Variants in A2M observed in about 807,000 individuals in gnomAD.
A2M encodes C3 and PZP-like alpha-2-macroglobulin domain-containing protein 5.
A neutral mutation model predicts 183.9 loss-of-function variants in A2M; 128 were observed. The observed-to-expected ratio is 0.70, with a 90% CI of 0.60 to 0.81. The LOEUF is 0.81. Ranked by LOEUF, A2M falls within the 30% of genes least tolerant of loss-of-function variation. A2M has a pLI of 0.00. For missense variants in A2M, 1,495 were observed against 1,787.6 expected (o/e 0.84, Z 2.95); for synonymous variants, 592 against 670.8 (o/e 0.88, Z 1.81).
At chr12:9,077,575 T>C in intron 26 of A2M, 126 bp downstream of exon 26, 2 of 1,499,724 alleles carry the variant, frequency 1.3e-6, no homozygotes, top group Non-Finnish European at 1.8e-6. Flanking sequence ...CCCCTCTTTT[T>C]TGGTGCCATC....
intron 22 of A2M, among the ~76,000 whole-genome samples, chr12:9,088,760 G>A (rs1949121840): frequency 6.6e-6 from 1 of 152,148 alleles, no homozygotes; most frequent in South Asian, 2.1e-4. Flanking sequence ...GACAATAATG[G>A]TAAAGGCCAT....
rs766968015 is a variant in A2M, at chr12:9,083,009, G to A, written c.2771-2832C>T. Reference sequence around the variant, plus strand: ...GAATCGCCACATTGACTTCCACAGTGGTTGAACTAGTTTATAGTCCCACCA... The same window carrying A: ...GAATCGCCACATTGACTTCCACAGTAGTTGAACTAGTTTATAGTCCCACCA... On this transcript the variant is annotated intron_variant, in intron 22 of 35. Transcript: ENST00000318602. Among the ~76,000 whole-genome samples the A allele has an allele frequency of 4.6e-5, 7 of 152,188 alleles. No homozygotes were observed. The East Asian group carries it at 1.2e-3, about 25-fold the overall frequency.
chr12:9,101,746 T>A, intron 11 of A2M, 72 bp from the exon 12 acceptor site: 1 of 1,242,870 alleles, frequency 8.0e-7, no homozygotes, highest in Non-Finnish European at 1.1e-6. Flanking sequence ...CAAAACTACG[T>A]AAGTTTACTG....
Position 9,114,684 on chromosome 12 carries a change from C to T in A2M, c.86+1080G>A, listed in dbSNP as rs963688250. Among the ~76,000 whole-genome samples the T allele has an allele frequency of 1.3e-4, 20 of 151,468 alleles. No individual in the cohort carries two copies. The East Asian group carries it at 1.5e-3, about 12-fold the overall frequency. On this transcript the variant is annotated intron_variant, in intron 1 of 35. Coordinates refer to ENST00000318602, the MANE Select transcript of A2M (RefSeq NM_000014.6). ...TTATTGTCAAGCATCTATACATATACGTATGTATACTTATGTTCACATATA... is the reference window on the plus strand; with the variant it reads ...TTATTGTCAAGCATCTATACATATATGTATGTATACTTATGTTCACATATA...
Position 9,070,503 on chromosome 12 carries a change from C to T in A2M, c.4179G>A (p.Lys1393=). ...ATAAACCTACCATTTTCACTGTTGGCTTCAGGGGAATGAAGCCAGAGACCA... is the reference window on the plus strand; with the variant it reads ...ATAAACCTACCATTTTCACTGTTGGTTTCAGGGGAATGAAGCCAGAGACCA... ...VKMVSGFIPL[K]PTVKMLERSN... The change falls in exon 32 of 36, where the codon AAG becomes AAA. Residue 1393 remains lysine, a synonymous_variant. Transcript: ENST00000318602. 1 of 1,613,500 alleles carries T rather than the reference C, an allele frequency of 6.2e-7. No homozygotes were observed. Among genetic ancestry groups the T allele is most frequent in the Non-Finnish European group, 8.5e-7 (1 of 1,179,638 alleles).
chr12:9,101,547 G>A lies in A2M; in HGVS notation c.1394C>T (p.Ser465Phe). The change falls in exon 12 of 36, where the codon TCT (serine) becomes TTT (phenylalanine). Residue 465 changes from serine to phenylalanine, a missense_variant. Transcript: ENST00000318602. ...AGTATGGCCACAGGGTAGTTCATGA[G>A]ACATGGGCTCAAGGTGGACAAAGCT... ...SKSFVHLEPM[S>F]HELPCGHTQT... is the part of the protein sequence containing the mutation. The A allele has an allele frequency of 6.2e-7, 1 of 1,614,012 alleles. No individual in the cohort carries two copies.
Position 9,090,000 on chromosome 12 carries a change from C to T in A2M, c.2620G>A (p.Ala874Thr), listed in dbSNP as rs373992205. 3.9e-5 allele frequency: 63 copies of T among 1,597,326 alleles called. 1 individual carries two copies. In the Middle Eastern group the frequency reaches 6.6e-4, roughly 17 times the overall value. The change falls in exon 21 of 36, where the codon GCA becomes ACA. Residue 874 changes from alanine to threonine, a missense_variant. Coordinates refer to ENST00000318602, the MANE Select transcript of A2M (RefSeq NM_000014.6). ...SLGNVNFTVS[A>T]EALESQELCG... ...AGCTCTTGAGACTCTAGTGCCTCTG[C>T]GCTCACAGTGAAATTCACATTTCCT...
chr12:9,074,719 G>A lies in A2M; in HGVS notation c.3597C>T (p.Pro1199=), dbSNP rs762039437. The change falls in exon 29 of 36, where the codon CCC becomes CCT. Residue 1199 remains proline (P), a synonymous_variant. Transcript: ENST00000318602. ...TCTCCACCTCAGCAGAGGGAGCCTG[G>A]GGTTCGTAAAAATGCCCCACTGGTG... The part of the protein sequence containing the change: ...PKAPVGHFYE[P]QAPSAEVEMT... The A allele has an allele frequency of 2.5e-6, 4 of 1,613,978 alleles. No homozygotes were observed. Among genetic ancestry groups the A allele is most frequent in the Non-Finnish European group, 3.4e-6 (4 of 1,179,982 alleles).
chr12:9,090,272 G>A, intron 20 of A2M, 84 bp downstream of exon 20: 1 of 1,587,482 alleles, frequency 6.3e-7, no homozygotes, highest in South Asian at 1.1e-5. Flanking sequence ...GTCTTTTCCT[G>A]AAGGAAGTAG....
rs774282928 is a variant in A2M at position 9,091,330 on chromosome 12, G to C, written c.2340C>G (p.Ile780Met). The C allele has an allele frequency of 3.1e-6, 5 of 1,614,214 alleles. No individual in the cohort carries two copies. Among genetic ancestry groups the C allele is most frequent in the Middle Eastern group, 1.6e-4 (1 of 6,062 alleles). ...AGGCTCGGAGAGAGGCAGTGGAAGAGATACCAAGTCCAGCATCTTCAGACA... is the reference window on the plus strand; with the variant it reads ...AGGCTCGGAGAGAGGCAGTGGAAGACATACCAAGTCCAGCATCTTCAGACA... ...FCLSEDAGLG[I>M]SSTASLRAFQ... Residue 780 changes from isoleucine (I) to methionine (M), a missense_variant, in exon 19 of 36, where the codon ATC becomes ATG. Physicochemically the swap from Ile to Met is conservative, Grantham distance 10. Coordinates refer to ENST00000318602, the MANE Select transcript of A2M (RefSeq NM_000014.6).
rs1937865160 is a variant in A2M, at chr12:9,101,648, A to G, written c.1293T>C (p.Cys431=). ...CTTCTGACACCCACTGGTAGCCGTA[A>G]CAGGGACTACGATCCTTGTAATTGA... ...VRVNYKDRSP[C]YGYQWVSEEH... The change falls in exon 12 of 36, where the codon TGT becomes TGC. Residue 431 remains cysteine (C), a synonymous_variant. Transcript: ENST00000318602. 6.2e-7 allele frequency: 1 copy of G among 1,613,750 alleles called. No homozygotes were observed. Among genetic ancestry groups the G allele is most frequent in the Non-Finnish European group, 8.5e-7 (1 of 1,179,784 alleles).
At chr12:9,114,704 C>T (rs1262273534) in intron 1 of A2M, among the ~76,000 whole-genome samples, 1 of 140,744 alleles carries the variant, frequency 7.1e-6, no homozygotes, top group Admixed American at 7.2e-5. Context: ...CTTATGTTCA[C>T]ATATATACAT....
At chr12:9,088,190 T>C (rs1179910581) in intron 22 of A2M, among the ~76,000 whole-genome samples, 2 of 151,632 alleles carry the variant, frequency 1.3e-5, no homozygotes. Context: ...TTTCTAAAGA[T>C]AAATGGATGG....
At chr12:9,091,020 G>T (rs1378603551) in intron 19 of A2M, among the ~76,000 whole-genome samples, 181 bp downstream of exon 19, 2 of 152,094 alleles carry the variant, frequency 1.3e-5, no homozygotes, top group African/African-American at 4.8e-5. Flanking sequence ...AGGGTTATAA[G>T]GGCTAGAAAC....
At chr12:9,084,921 A>G (rs141971425) in intron 22 of A2M, among the ~76,000 whole-genome samples, 3 of 152,242 alleles carry the variant, frequency 2.0e-5, no homozygotes, top group African/African-American at 7.2e-5. Context: ...CAAAAACTGT[A>G]CAAAGAGACA....
chr12:9,068,948 C>T (rs1948479155), intron 33 of A2M, 106 bp from the exon 34 acceptor site: 3 of 713,214 alleles, frequency 4.2e-6, no homozygotes, highest in Admixed American at 2.8e-5. Context: ...TATTATCCTA[C>T]AGCACACTAT....
At position 9,115,827 on chromosome 12, in the gene A2M, T is replaced by C. The variant is rs761851792; in HGVS notation, c.23A>G (p.His8Arg). Residue 8 changes from histidine to arginine, a missense_variant, in exon 1 of 36, where the codon CAT becomes CGT. By Grantham distance (29) the His-to-Arg change is conservative (BLOSUM62 0). Transcript: ENST00000318602. ...CAAGAGGAGAAGAACCAGACTTGGA[T>C]GAAGGAGTTTGTTCTTCCCCATGTT... MGKNKLL[H>R]PSLVLLLLVL... 2 of 1,613,296 alleles carry C rather than the reference T, an allele frequency of 1.2e-6. No homozygotes were observed. The highest frequency in any genetic ancestry group is 2.7e-5 in the African/African-American group (2 of 74,870).
At chr12:9,112,335 C>A in intron 3 of A2M, 42 bp downstream of exon 3, 1 of 1,603,996 alleles carries the variant, frequency 6.2e-7, no homozygotes, top group Non-Finnish European at 8.5e-7. Flanking sequence ...GGAAGAAGAT[C>A]TTTCCTTTTT....
intron 1 of A2M, 50 bp from the exon 2 acceptor site, chr12:9,113,593 G>C: frequency 1.3e-6 from 2 of 1,525,404 alleles, no homozygotes; most frequent in Non-Finnish European, 1.8e-6. Flanking sequence ...GAGAGGCATT[G>C]CTATCAACAG....
Sources: allele counts gnomAD v4.1 joint callset (sites outside exome capture counted in the v4.1 genomes callset), GRCh38; gene constraint gnomAD v4.1.1; transcripts MANE v1.5; gene names NCBI Gene and HGNC (gene_info 2026-07-23, HGNC 2026-07-21).